The following MYCBP2 variants were observed in gnomAD, a reference collection of about 807,000 sequenced individuals.
The protein encoded by MYCBP2 is E3 ubiquitin-protein ligase MYCBP2.
Under a neutral mutation model 525.3 loss-of-function variants are expected in MYCBP2, and 120 were observed. The observed-to-expected ratio is 0.23, with a 90% CI of 0.20 to 0.27. MYCBP2 has a LOEUF of 0.27. Ranked by LOEUF, MYCBP2 falls within the 10% of genes least tolerant of loss-of-function variation. The pLI, the probability that MYCBP2 is intolerant of heterozygous loss-of-function variation, is 1.00. For missense variants in MYCBP2, 4,149 were observed against 5,657.1 expected (o/e 0.73, Z 8.55); for synonymous variants, 1,894 against 1,955.8 (o/e 0.97, Z 0.83).
chr13:77,237,277 G>A (rs896712746), intron 17 of MYCBP2, among the ~76,000 whole-genome samples: 7 of 152,030 alleles, frequency 4.6e-5, no homozygotes, highest in African/African-American at 1.7e-4. Flanking sequence ...TGTAAAATGA[G>A]AAAAAGATGT....
intron 52 of MYCBP2, among the ~76,000 whole-genome samples, chr13:77,137,391 G>C (rs1013873586): frequency 4.6e-5 from 7 of 152,114 alleles, no homozygotes; most frequent in African/African-American, 1.7e-4. Context: ...ATTTGGACTA[G>C]GAAGGTAGAA....
In MYCBP2 at chr13:77,190,318, T is replaced by C. The variant is rs547994242; in HGVS notation, c.4088A>G (p.Lys1363Arg). The C allele has an allele frequency of 9.9e-6, 16 of 1,608,598 alleles. No homozygotes were observed. Among genetic ancestry groups the C allele is most frequent in the East Asian group, 2.2e-5 (1 of 44,720 alleles). ...ACCATTATTTGATTTCTTTGAACTC[T>C]TGAACTGGAAAACAACCCTAAGAAG... Reference protein sequence around the residue: ...TTDDGVVFQFKSSKKSNNGTD... With the variant: ...TTDDGVVFQFRSSKKSNNGTD... The change falls in exon 29 of 83, where the codon AAG becomes AGG. Residue 1363 changes from lysine to arginine, a missense_variant. Physicochemically the swap from Lys to Arg is conservative, Grantham distance 26. Around this residue, in one of 21 missense-constraint regions of MYCBP2, gnomAD observed 620 missense variants for 795.5 expected, o/e 0.78. Coordinates refer to ENST00000544440, the MANE Select transcript of MYCBP2 (RefSeq NM_015057.5).
rs186676093 is a variant in MYCBP2, at chr13:77,083,016, T to A, written c.11036+16A>T. ...TCTTGTCCAATGTACCTAGGATATG[T>A]GGATACCAAAATTACCTCAGGGCCA... is the stretch of plus-strand genomic sequence containing the variant. On this transcript the variant is annotated intron_variant, in intron 63 of 82. Coordinates refer to ENST00000544440, the MANE Select transcript of MYCBP2 (RefSeq NM_015057.5). The A allele has an allele frequency of 3.0e-4, 485 of 1,608,406 alleles. 3 individuals are homozygous for A. The African/African-American group carries it at 5.9e-3, about 20-fold the overall frequency.
intron 80 of MYCBP2, among the ~76,000 whole-genome samples, chr13:77,052,429 G>A (rs2037019647): frequency 6.6e-6 from 1 of 152,196 alleles, no homozygotes; most frequent in Non-Finnish European, 1.5e-5. Flanking sequence ...AAACTCCTGG[G>A]CTCAGGTGAT....
chr13:77,312,033 G>C (rs2080306977), intron 1 of MYCBP2, among the ~76,000 whole-genome samples: 1 of 152,024 alleles, frequency 6.6e-6, no homozygotes, highest in Non-Finnish European at 1.5e-5. Context: ...GGGGAATAAG[G>C]TTTACATTAC....
At chr13:77,193,174 C>T (rs1441145885) in intron 27 of MYCBP2, among the ~76,000 whole-genome samples, 5 of 151,856 alleles carry the variant, frequency 3.3e-5, no homozygotes, top group Non-Finnish European at 5.9e-5. Context: ...TAAATAAATA[C>T]GGCAAATGAC....
At chr13:77,053,183 CT>C (rs1421509573) in intron 80 of MYCBP2, among the ~76,000 whole-genome samples, 2 of 151,308 alleles carry the variant, frequency 1.3e-5, no homozygotes, top group African/African-American at 2.4e-5. Context: ...CAGAATTCTG[CT>C]CATAGTTATA....
chr13:77,081,317 T>G lies in MYCBP2; in HGVS notation c.11418+110A>C. 1 of 880,206 alleles carries G rather than the reference T, an allele frequency of 1.1e-6. No individual in the cohort carries two copies. Among genetic ancestry groups the G allele is most frequent in the Non-Finnish European group, 1.8e-6 (1 of 554,988 alleles). 54.5% of individuals were successfully genotyped at this position (880,206 alleles called of 1,614,324 possible). The stretch of plus-strand genomic sequence containing the variant: ...TGGGGATTATAGCAATGATGTTTGG[T>G]TGGTGAAATTCCAGGTGATAAAGCT... On this transcript the variant is annotated intron_variant, in intron 65 of 82. Transcript: ENST00000544440. This position sits in a 1 kb window ranked among gnomAD's most constrained non-coding sequence, Gnocchi z 4.6.
At chr13:77,155,642 G>A (rs1399045068) in intron 46 of MYCBP2, among the ~76,000 whole-genome samples, 4 of 152,038 alleles carry the variant, frequency 2.6e-5, no homozygotes, top group Non-Finnish European at 5.9e-5. Context: ...CTAACTTAAT[G>A]AGTGTTATTT....
At chr13:77,124,836 T>C (rs1434812485) in intron 54 of MYCBP2, among the ~76,000 whole-genome samples, 1 of 151,976 alleles carries the variant, frequency 6.6e-6, no homozygotes. Context: ...TTTTATTAAG[T>C]GATAGCCATG....
intron 1 of MYCBP2, among the ~76,000 whole-genome samples, chr13:77,306,888 T>C (rs760600579): frequency 5.3e-5 from 8 of 152,040 alleles, no homozygotes; most frequent in Admixed American, 6.5e-5. Context: ...TTCGGAAAGA[T>C]TGCAACAAGA....
intron 59 of MYCBP2, among the ~76,000 whole-genome samples, chr13:77,091,256 C>T (rs1201348206): frequency 2.0e-5 from 3 of 152,024 alleles, no homozygotes; most frequent in Non-Finnish European, 4.4e-5. Context: ...GTAAATGTCC[C>T]TGGGTGTTAG....
chr13:77,128,197 T>C (rs2052040945), intron 52 of MYCBP2, among the ~76,000 whole-genome samples: 1 of 151,916 alleles, frequency 6.6e-6, no homozygotes, highest in Non-Finnish European at 1.5e-5. Flanking sequence ...TACATAGTAC[T>C]TGCTATTACA....
At chr13:77,162,032 T>C in intron 43 of MYCBP2, 77 bp from the exon 44 acceptor site, 1 of 968,520 alleles carries the variant, frequency 1.0e-6, no homozygotes, top group East Asian at 2.5e-5. Context: ...TTTGCATTCA[T>C]TACACTTTTT....
At chr13:77,262,479 C>T (rs1169037015) in intron 10 of MYCBP2, among the ~76,000 whole-genome samples, 1 of 151,936 alleles carries the variant, frequency 6.6e-6, no homozygotes, top group Admixed American at 6.6e-5. Flanking sequence ...ATACAATTCA[C>T]AAAATTTATC....
At chr13:77,153,540 A>C (rs2056805619) in intron 46 of MYCBP2, among the ~76,000 whole-genome samples, 1 of 152,236 alleles carries the variant, frequency 6.6e-6, no homozygotes, top group South Asian at 2.1e-4. Context: ...ATTTACCCTA[A>C]GTATTTAATA....
chr13:77,205,026 TAC>T lies in MYCBP2; in HGVS notation c.3843+228_3843+229del, dbSNP rs529722076. Among the ~76,000 whole-genome samples the T allele has an allele frequency of 8.6e-3, 1,301 of 152,012 alleles. 20 individuals are homozygous for T. The highest frequency in any genetic ancestry group is 0.029 in the African/African-American group (1,210 of 41,484). ...AACTAACCTGCACATTGTGCACATGTACCCTAAAACTTAAAGTATAATAATAA... is the reference window on the plus strand; with the variant it reads ...AACTAACCTGCACATTGTGCACATGTCCTAAAACTTAAAGTATAATAATAA... On this transcript the variant is annotated intron_variant, in intron 26 of 82. Transcript: ENST00000544440.
chr13:77,261,019 G>T, intron 12 of MYCBP2, 152 bp downstream of exon 12: 2 of 593,232 alleles, frequency 3.4e-6, no homozygotes, highest in South Asian at 2.6e-5. Flanking sequence ...CATTCAATAT[G>T]TATTTATTAA....
chr13:77,281,425 AAAT>A (rs1466064879), intron 3 of MYCBP2, among the ~76,000 whole-genome samples: 2 of 152,042 alleles, frequency 1.3e-5, no homozygotes, highest in Non-Finnish European at 2.9e-5. Context: ...TATTTAATAA[AAAT>A]AATAATTATA....
Sources: gnomAD v4.1 joint callset for allele counts (sites outside exome capture counted in the v4.1 genomes callset) on GRCh38, gnomAD v4.1.1 for gene constraint, gnomAD v4.1.1 regional missense constraint, Gnocchi (gnomAD v3.1) non-coding constraint, MANE v1.5 for transcripts, NCBI Gene and HGNC (gene_info 2026-07-23, HGNC 2026-07-21) for gene names.